SPATS2: variants seen among roughly 807,000 people sequenced by gnomAD.
SPATS2 encodes the protein spermatogenesis associated serine rich 2.
A neutral mutation model predicts 63.7 loss-of-function variants in SPATS2; 38 were observed. The ratio of observed to expected loss-of-function variants is 0.60; its 90% CI spans 0.46 to 0.78. The LOEUF is 0.78. SPATS2 is among the 30% of genes least tolerant of loss of function. SPATS2 has a pLI of 0.00. For missense variants in SPATS2, 588 were observed against 666.2 expected (o/e 0.88, Z 1.29); for synonymous variants, 207 against 232.9 (o/e 0.89, Z 1.01).
chr12:49,462,717 A>T (rs975336898), intron 3 of SPATS2: 4 of 498,456 alleles, frequency 8.0e-6, no homozygotes, highest in Non-Finnish European at 1.4e-5. Context: ...GGGTGCGGGT[A>T]GATAATCTTT....
chr12:49,499,462 T>G (rs772928129), intron 8 of SPATS2, among the ~76,000 whole-genome samples: 4 of 151,988 alleles, frequency 2.6e-5, no homozygotes, highest in East Asian at 3.8e-4. Context: ...TCTTTGGTTT[T>G]GTTTTGTTTT....
chr12:49,487,205 G>A (rs1202795507), intron 4 of SPATS2, among the ~76,000 whole-genome samples: 1 of 152,052 alleles, frequency 6.6e-6, no homozygotes, highest in Non-Finnish European at 1.5e-5. Context: ...AAGTCAGTGG[G>A]GCCAGGCGCG....
chr12:49,474,192 CAT>C (rs1946082729), intron 3 of SPATS2, among the ~76,000 whole-genome samples: 1 of 152,214 alleles, frequency 6.6e-6, no homozygotes, highest in Non-Finnish European at 1.5e-5. Flanking sequence ...GTGTTACTTA[CAT>C]AGAGTGTCTC....
chr12:49,498,464 G>C (rs933403009), intron 8 of SPATS2, among the ~76,000 whole-genome samples: 1 of 151,998 alleles, frequency 6.6e-6, no homozygotes, highest in Non-Finnish European at 1.5e-5. Context: ...TATACAGACA[G>C]AACATTTTAA....
chr12:49,392,267 CCTTAA>C (rs1944431266), intron 2 of SPATS2, among the ~76,000 whole-genome samples: 1 of 150,996 alleles, frequency 6.6e-6, no homozygotes, highest in African/African-American at 2.4e-5. Flanking sequence ...TTAAACAGAA[CCTTAA>C]CTTTATGTCT....
chr12:49,503,452 A>G (rs1946602115), intron 9 of SPATS2, among the ~76,000 whole-genome samples: 1 of 151,270 alleles, frequency 6.6e-6, no homozygotes. Flanking sequence ...GATGGAGACC[A>G]TCCTGGCTAA....
intron 3 of SPATS2, among the ~76,000 whole-genome samples, chr12:49,472,316 T>C (rs1390461942): frequency 6.6e-6 from 1 of 151,844 alleles, no homozygotes; most frequent in East Asian, 1.9e-4. Context: ...AGCAACTTTC[T>C]CCCACTATCT....
chr12:49,499,419 G>A (rs1008106896), intron 8 of SPATS2, among the ~76,000 whole-genome samples: 2 of 150,274 alleles, frequency 1.3e-5, no homozygotes, highest in Non-Finnish European at 3.0e-5. Context: ...GTTTTGTTTT[G>A]TTTTGTTTTG....
chr12:49,465,081 T>C (rs934742725), intron 3 of SPATS2, among the ~76,000 whole-genome samples: 3 of 152,278 alleles, frequency 2.0e-5, no homozygotes, highest in Admixed American at 1.3e-4. Flanking sequence ...TACTACTAAG[T>C]AGTCTTGTTA....
At chr12:49,407,530 T>C (rs1391475916) in intron 2 of SPATS2, among the ~76,000 whole-genome samples, 3 of 152,126 alleles carry the variant, frequency 2.0e-5, no homozygotes, top group African/African-American at 7.2e-5. Flanking sequence ...CTTCAGAACA[T>C]TTGTGCTTGC....
At chr12:49,390,268 T>A (rs1944397106) in intron 2 of SPATS2, 2 of 652,920 alleles carry the variant, frequency 3.1e-6, no homozygotes, top group South Asian at 3.8e-5. Context: ...TCTCTTTAAA[T>A]ATGTACAGTG....
intron 7 of SPATS2, 141 bp downstream of exon 7, chr12:49,495,143 G>C: frequency 1.1e-6 from 1 of 878,448 alleles, no homozygotes; most frequent in Non-Finnish European, 1.6e-6. Context: ...TTTAGTTTTT[G>C]TTACTTTTTG....
intron 2 of SPATS2, among the ~76,000 whole-genome samples, chr12:49,446,260 A>AT (rs781188501): frequency 2.6e-5 from 4 of 152,204 alleles, no homozygotes; most frequent in Middle Eastern, 3.4e-3. Context: ...GGAAACATGG[A>AT]TTTTTTTAGT....
chr12:49,394,357 A>G (rs932443974), intron 2 of SPATS2, among the ~76,000 whole-genome samples: 1 of 149,732 alleles, frequency 6.7e-6, no homozygotes, highest in East Asian at 1.9e-4. Flanking sequence ...AAAAAAAAAA[A>G]CAGAACTAGT....
intron 12 of SPATS2, among the ~76,000 whole-genome samples, chr12:49,524,130 A>T (rs1946991574): frequency 1.3e-5 from 2 of 152,344 alleles, no homozygotes; most frequent in South Asian, 4.1e-4. Context: ...TTTGGGATTA[A>T]TTTTGCAGAA....
chr12:49,525,314 A>G (rs1190328231), intron 13 of SPATS2, among the ~76,000 whole-genome samples: 1 of 152,204 alleles, frequency 6.6e-6, no homozygotes, highest in African/African-American at 2.4e-5. Context: ...ATGGGGGGAA[A>G]ACACTAGAAA....
chr12:49,479,187 G>T (rs1946166140), intron 3 of SPATS2, among the ~76,000 whole-genome samples: 1 of 152,232 alleles, frequency 6.6e-6, no homozygotes. Context: ...GTCCGTGGGT[G>T]GCCATGGGCG....
chr12:49,465,093 AAC>A (rs1329785547), intron 3 of SPATS2, among the ~76,000 whole-genome samples: 1 of 152,226 alleles, frequency 6.6e-6, no homozygotes, highest in African/African-American at 2.4e-5. Context: ...GTCTTGTTAT[AAC>A]ACATTTATCC....
At chr12:49,468,623 C>T (rs1163080108) in intron 3 of SPATS2, among the ~76,000 whole-genome samples, 5 of 152,034 alleles carry the variant, frequency 3.3e-5, no homozygotes, top group Admixed American at 6.6e-5. Flanking sequence ...ACTACAGATA[C>T]GTGTCATCAT....
Sources: allele counts gnomAD v4.1 joint callset (sites outside exome capture counted in the v4.1 genomes callset), GRCh38; gene constraint gnomAD v4.1.1; transcripts MANE v1.5; gene names NCBI Gene and HGNC (gene_info 2026-07-23, HGNC 2026-07-21).